LARS2: variants seen among roughly 807,000 people sequenced by gnomAD.
LARS2 encodes the protein leucyl-tRNA synthetase 2, mitochondrial, also known as leucine--tRNA ligase, mitochondrial.
In LARS2, 81 loss-of-function variants were observed where a neutral mutation model predicts 116.6. That is an observed-to-expected ratio of 0.69 (90% CI 0.58 to 0.84). LARS2 has a LOEUF of 0.84. Among genes scored for constraint, LARS2 ranks in the 40% least tolerant of loss-of-function variants. The pLI, the probability that LARS2 is intolerant of heterozygous loss-of-function variation, is 0.00. For synonymous variants in LARS2, 396 were observed against 407.2 expected, an observed-to-expected ratio of 0.97 and a Z score of 0.33; for missense variants, 968 against 1,114.5, an observed-to-expected ratio of 0.87 and a Z score of 1.87.
At chr3:45,430,075 G>A (rs1327863779) in intron 6 of LARS2, among the ~76,000 whole-genome samples, 16 of 143,318 alleles carry the variant, frequency 1.1e-4, no homozygotes, top group South Asian at 4.6e-4. Context: ...GTAGTGGCGC[G>A]ATCTCGGCTC....
chr3:45,436,165 C>T (rs958098451), intron 6 of LARS2, among the ~76,000 whole-genome samples: 3 of 152,036 alleles, frequency 2.0e-5, no homozygotes, highest in Non-Finnish European at 2.9e-5. Context: ...TGTTTGCATC[C>T]GTGGAATTGA....
intron 6 of LARS2, among the ~76,000 whole-genome samples, chr3:45,432,160 T>G (rs1698727437): frequency 6.6e-6 from 1 of 152,016 alleles, no homozygotes; most frequent in African/African-American, 2.4e-5. Context: ...AATAACTGAA[T>G]CAAAAATGGA....
intron 14 of LARS2, among the ~76,000 whole-genome samples, chr3:45,498,724 G>C (rs1388127471): frequency 1.3e-5 from 2 of 152,180 alleles, no homozygotes; most frequent in African/African-American, 4.8e-5. Flanking sequence ...CATTACCTTG[G>C]CAACACAGAG....
intron 8 of LARS2, among the ~76,000 whole-genome samples, chr3:45,459,795 T>C (rs1699283067): frequency 2.0e-5 from 3 of 152,222 alleles, no homozygotes; most frequent in South Asian, 2.1e-4. Flanking sequence ...CTTTGTATTC[T>C]TATGCATGCA....
chr3:45,392,395 A>G (rs1396938839), intron 2 of LARS2, among the ~76,000 whole-genome samples: 2 of 151,504 alleles, frequency 1.3e-5, no homozygotes, highest in East Asian at 1.9e-4. Context: ...CCCAGGTTCA[A>G]GTTATTCCTC....
At chr3:45,547,146 C>G (rs1470398311) in intron 21 of LARS2, among the ~76,000 whole-genome samples, 1 of 152,248 alleles carries the variant, frequency 6.6e-6, no homozygotes, top group Non-Finnish European at 1.5e-5. Context: ...CGGTCTCTTT[C>G]TGCAGGTCTA....
intron 8 of LARS2, among the ~76,000 whole-genome samples, chr3:45,462,401 C>T (rs900326): frequency 0.54 from 79,720 of 146,900 alleles, 24,534 homozygotes; most frequent in East Asian, 0.69. Flanking sequence ...TAGGCAATAT[C>T]GAGACCCCAA....
intron 4 of LARS2, among the ~76,000 whole-genome samples, chr3:45,411,638 C>T (rs1698333504): frequency 6.6e-6 from 1 of 151,976 alleles, no homozygotes; most frequent in Non-Finnish European, 1.5e-5. Flanking sequence ...GAAAAAAGGT[C>T]ATAAAATAAT....
chr3:45,421,390 A>G (rs1353918284), intron 6 of LARS2: 1 of 152,208 alleles, frequency 6.6e-6, no homozygotes, highest in African/African-American at 2.4e-5. Flanking sequence ...AAAAAATCTT[A>G]ATTCTGAGGC....
At chr3:45,522,739 C>CA (rs1198212293) in intron 19 of LARS2, among the ~76,000 whole-genome samples, 38 of 145,902 alleles carry the variant, frequency 2.6e-4, no homozygotes, top group East Asian at 5.9e-4. Context: ...GACTCTGTCT[C>CA]AAAAAAAAAA....
chr3:45,417,079 A>G (rs862735), intron 4 of LARS2, among the ~76,000 whole-genome samples: 15,477 of 91,046 alleles, frequency 0.17, 2,567 homozygotes, highest in African/African-American at 0.46. Context: ...GTCTCAAAAA[A>G]AAAAAAACAA....
chr3:45,496,632 C>T (rs962629805), intron 14 of LARS2, among the ~76,000 whole-genome samples: 1 of 152,224 alleles, frequency 6.6e-6, no homozygotes, highest in African/African-American at 2.4e-5. Context: ...AAGCCTCGAC[C>T]TGGCCAGTGG....
chr3:45,408,604 T>TTCTC (rs141045345), intron 4 of LARS2, among the ~76,000 whole-genome samples: 5 of 150,278 alleles, frequency 3.3e-5, no homozygotes, highest in Non-Finnish European at 7.4e-5. Context: ...GCCAGAAAAT[T>TTCTC]TCTCTCTCTC....
At chr3:45,485,616 C>A (rs1215867581) in intron 10 of LARS2, 76 bp from the exon 11 acceptor site, 4 of 789,594 alleles carry the variant, frequency 5.1e-6, no homozygotes, top group African/African-American at 3.4e-5. Context: ...ACTTTTCTCA[C>A]TTGTTTCCTC....
chr3:45,481,590 C>T (rs1377407214), intron 10 of LARS2, among the ~76,000 whole-genome samples: 1 of 152,150 alleles, frequency 6.6e-6, no homozygotes, highest in Non-Finnish European at 1.5e-5. Context: ...ATTTGCATTT[C>T]CCTGATACAT....
intron 10 of LARS2, among the ~76,000 whole-genome samples, chr3:45,481,030 T>C (rs573377626): frequency 6.6e-6 from 1 of 152,330 alleles, no homozygotes; most frequent in Non-Finnish European, 1.5e-5. Context: ...TCAGACCCTC[T>C]GGCAGTCATC....
At position 45,513,265 on chromosome 3, in the gene LARS2, G is replaced by A. The variant is rs113418687; in HGVS notation, c.1861+30G>A. The A allele has an allele frequency of 3.8e-5, 55 of 1,440,746 alleles. No homozygotes were observed. The African/African-American group carries it at 6.7e-4, about 18-fold the overall frequency. The allele number at this position is 1,440,746 out of a possible 1,614,324, so 89.2% of individuals were successfully genotyped here. A position where few individuals can be genotyped will look rare whatever the true frequency, so the allele number is the denominator to read the frequency against. ...GAATGGCCCATCTGGTCCCATCCAG[G>A]TACTCCCAGAGAGCCAAGGCCAGGC... is the stretch of plus-strand genomic sequence containing the variant. On this transcript the variant is annotated intron_variant, in intron 16 of 21. Transcript: ENST00000645846.
At chr3:45,441,088 C>T (rs1483572442) in intron 6 of LARS2, among the ~76,000 whole-genome samples, 1 of 147,438 alleles carries the variant, frequency 6.8e-6, no homozygotes, top group African/African-American at 2.5e-5. Flanking sequence ...TTCAGTGGCA[C>T]AGTCTCGGCT....
chr3:45,469,580 G>A (rs1422979538), intron 8 of LARS2, among the ~76,000 whole-genome samples: 2 of 151,976 alleles, frequency 1.3e-5, no homozygotes, highest in African/African-American at 2.4e-5. Context: ...TCCTGACCTC[G>A]TGATCCGCCC....
Sources: allele counts gnomAD v4.1 joint callset (sites outside exome capture counted in the v4.1 genomes callset), GRCh38; gene constraint gnomAD v4.1.1; transcripts MANE v1.5; gene names NCBI Gene and HGNC (gene_info 2026-07-23, HGNC 2026-07-21).